The following NCALD variants were observed in gnomAD, a reference collection of about 807,000 sequenced individuals.
The protein encoded by NCALD is neurocalcin delta.
NCALD carries 10 observed loss-of-function variants against 18.6 expected under a neutral mutation model. That is an observed-to-expected ratio of 0.54 (90% CI 0.33 to 0.91). The LOEUF (loss-of-function observed/expected upper bound fraction) is 0.91, where lower values mean the gene tolerates loss of function less well. NCALD is among the 40% of genes least tolerant of loss of function. NCALD has a pLI of 0.03. For missense variants in NCALD, 184 were observed against 247.6 expected (o/e 0.74, Z 1.72); for synonymous variants, 88 against 87.4 (o/e 1.01, Z -0.04).
chr8:101,978,775 A>C (rs1820515996), intron 2 of NCALD, among the ~76,000 whole-genome samples: 1 of 152,200 alleles, frequency 6.6e-6, no homozygotes, highest in African/African-American at 2.4e-5. Flanking sequence ...GGCACAAAGT[A>C]GGAGATCAAC....
At chr8:101,748,880 C>T (rs779941859) in intron 1 of NCALD, among the ~76,000 whole-genome samples, 7 of 152,202 alleles carry the variant, frequency 4.6e-5, no homozygotes, top group Non-Finnish European at 7.3e-5. Context: ...GAGAACAGAA[C>T]CAGGTTAGGC....
At chr8:101,839,285 AG>A (rs1340707466) in intron 4 of NCALD, among the ~76,000 whole-genome samples, 1 of 152,132 alleles carries the variant, frequency 6.6e-6, no homozygotes, top group Admixed American at 6.5e-5. Flanking sequence ...AAAAAGTAAC[AG>A]AAGAGGGAAA....
intron 1 of NCALD, among the ~76,000 whole-genome samples, chr8:102,069,223 G>A (rs1824104512): frequency 6.6e-6 from 1 of 152,002 alleles, no homozygotes; most frequent in South Asian, 2.1e-4. Context: ...AAATATGTGA[G>A]GTGATGGATA....
chr8:102,048,721 C>A (rs921477727), intron 1 of NCALD, among the ~76,000 whole-genome samples: 5 of 152,140 alleles, frequency 3.3e-5, no homozygotes, highest in Non-Finnish European at 7.4e-5. Flanking sequence ...TATGTACTTT[C>A]TTCTATTTGA....
intron 1 of NCALD, among the ~76,000 whole-genome samples, chr8:102,088,485 G>A (rs555117260): frequency 6.6e-6 from 1 of 152,096 alleles, no homozygotes; most frequent in South Asian, 2.1e-4. Context: ...TTAAAAGTGG[G>A]TATTCAAGTT....
chr8:101,699,843 G>A (rs557434630), intron 2 of NCALD, among the ~76,000 whole-genome samples: 6 of 152,158 alleles, frequency 3.9e-5, no homozygotes, highest in Admixed American at 2.0e-4. Flanking sequence ...TGGGTTGATA[G>A]GTGCAGCAAA....
chr8:101,759,144 C>T (rs1586423307), intron 1 of NCALD, among the ~76,000 whole-genome samples: 1 of 152,158 alleles, frequency 6.6e-6, no homozygotes, highest in Admixed American at 6.5e-5. Flanking sequence ...TTGCTTAATC[C>T]GAAATGCTTT....
chr8:101,905,620 C>A (rs1363071615), intron 3 of NCALD, among the ~76,000 whole-genome samples: 2 of 152,206 alleles, frequency 1.3e-5, no homozygotes, highest in Non-Finnish European at 2.9e-5. Flanking sequence ...ACCCTCTACC[C>A]CTCCACACAC....
chr8:101,865,882 T>G (rs1194035779), intron 4 of NCALD, among the ~76,000 whole-genome samples: 10 of 152,222 alleles, frequency 6.6e-5, no homozygotes, highest in South Asian at 2.1e-4. Context: ...GACTGTCTTA[T>G]TTTTAATTTC....
At chr8:102,076,280 A>C (rs1377696101) in intron 1 of NCALD, among the ~76,000 whole-genome samples, 1 of 152,210 alleles carries the variant, frequency 6.6e-6, no homozygotes, top group African/African-American at 2.4e-5. Flanking sequence ...TAGTCTGCTA[A>C]GAGAACACAG....
intron 1 of NCALD, among the ~76,000 whole-genome samples, chr8:101,738,671 A>G (rs894425431): frequency 1.3e-5 from 2 of 152,162 alleles, no homozygotes; most frequent in African/African-American, 4.8e-5. Context: ...ATGATAAGGC[A>G]CAATGGTTAA....
intron 4 of NCALD, among the ~76,000 whole-genome samples, chr8:101,829,647 T>TC (rs1269036859): frequency 4.6e-5 from 5 of 108,574 alleles, no homozygotes; most frequent in African/African-American, 1.5e-4. Flanking sequence ...TGGTACTTTT[T>TC]CCCATACGTG....
intron 2 of NCALD, among the ~76,000 whole-genome samples, chr8:101,944,020 A>G (rs1283162758): frequency 6.6e-6 from 1 of 152,140 alleles, no homozygotes; most frequent in African/African-American, 2.4e-5. Flanking sequence ...TGTCCTGCTT[A>G]CTCTAATAGT....
chr8:101,819,871 T>C (rs1390805045), intron 4 of NCALD, among the ~76,000 whole-genome samples: 1 of 152,232 alleles, frequency 6.6e-6, no homozygotes, highest in African/African-American at 2.4e-5. Context: ...GCAAATGAGC[T>C]GGCGGACATT....
chr8:101,708,068 G>C (rs369542790), intron 2 of NCALD, among the ~76,000 whole-genome samples: 1 of 152,100 alleles, frequency 6.6e-6, no homozygotes, highest in Non-Finnish European at 1.5e-5. Context: ...GATGCTTTTC[G>C]AAAGGCTCTA....
intron 2 of NCALD, among the ~76,000 whole-genome samples, chr8:101,991,980 C>A (rs1451047651): frequency 3.9e-5 from 6 of 152,196 alleles, no homozygotes; most frequent in Non-Finnish European, 7.3e-5. Context: ...GATATTGGAG[C>A]AAACCCCTGC....
intron 2 of NCALD, among the ~76,000 whole-genome samples, chr8:101,972,413 G>C (rs182491608): frequency 5.4e-4 from 82 of 152,278 alleles, no homozygotes; most frequent in African/African-American, 1.9e-3. Context: ...TAACCCATCT[G>C]CTACTCCAGA....
chr8:101,869,267 G>C lies in NCALD; in HGVS notation c.-20+17874C>G, dbSNP rs563823177. 1.6e-4 allele frequency among the ~76,000 whole-genome samples: 25 copies of C among 152,194 alleles called. 1 individual carries two copies. The highest frequency in any genetic ancestry group is 2.5e-4 in the Non-Finnish European group (17 of 68,036). On this transcript the variant is annotated intron_variant, in intron 4 of 6. Transcript: ENST00000311028. ...CTGGACAGGCCCAATGTAATTACAA[G>C]AATCTTTCAAGAGAGAGGGAGGAGG...
chr8:101,727,051 C>T (rs1816604136), intron 1 of NCALD, among the ~76,000 whole-genome samples: 1 of 152,146 alleles, frequency 6.6e-6, no homozygotes, highest in South Asian at 2.1e-4. Context: ...CCTTCATGCC[C>T]AGTTCAAGAC....
Sources: allele counts gnomAD v4.1 joint callset (sites outside exome capture counted in the v4.1 genomes callset), GRCh38; gene constraint gnomAD v4.1.1; transcripts MANE v1.5; gene names NCBI Gene and HGNC (gene_info 2026-07-23, HGNC 2026-07-21).